PTPRS: variants seen among roughly 807,000 people sequenced by gnomAD.
PTPRS encodes the protein protein tyrosine phosphatase receptor type S, also known as receptor-type tyrosine-protein phosphatase S.
A neutral mutation model predicts 215.3 loss-of-function variants in PTPRS; 63 were observed. That is an observed-to-expected ratio of 0.29 (90% confidence interval 0.24 to 0.36). The LOEUF is 0.36. Among genes scored for constraint, PTPRS ranks in the 10% least tolerant of loss-of-function variants. The pLI is 1.00. For missense variants in PTPRS, 2,258 were observed against 2,825.8 expected, an observed-to-expected ratio of 0.80 and a Z score of 4.56; for synonymous variants, 1,404 against 1,191.4, an observed-to-expected ratio of 1.18 and a Z score of -3.68.
intron 1 of PTPRS, among the ~76,000 whole-genome samples, chr19:5,324,550 AGAG>A (rs1383475514): frequency 1.3e-5 from 2 of 152,098 alleles, no homozygotes; most frequent in African/African-American, 2.4e-5. Flanking sequence ...ATGGAGGAGG[AGAG>A]GAGAAGGAGG....
At chr19:5,313,970 T>TAATAAA (rs2049793144) in intron 1 of PTPRS, among the ~76,000 whole-genome samples, 1 of 121,516 alleles carries the variant, frequency 8.2e-6, no homozygotes, top group Non-Finnish European at 1.7e-5. Flanking sequence ...ATAATAATAA[T>TAATAAA]AAATAAAAGT....
rs543569857 is a variant in PTPRS, at chr19:5,323,581, G to A, written c.-95+17083C>T. ...AGGCAGAGGGCACAGACTGTGCAAA[G>A]GCCCTGGGGCGGGACCATGCCTGGT... On this transcript the variant is annotated intron_variant, in intron 1 of 37. Transcript: ENST00000262963. Among the ~76,000 whole-genome samples the A allele has an allele frequency of 5.9e-5, 9 of 152,378 alleles. No homozygotes were observed. In the East Asian group the frequency reaches 1.5e-3, roughly 26 times the overall value.
chr19:5,274,423 T>A (rs1488713303), intron 2 of PTPRS, 79 bp from the exon 3 acceptor site: 6 of 1,453,972 alleles, frequency 4.1e-6, no homozygotes, highest in Non-Finnish European at 4.6e-6. Context: ...CACGAAAACC[T>A]GCATTCCATG....
rs375626765 is a variant in PTPRS at position 5,220,369 on chromosome 19, A to G, written c.3456-16T>C. On this transcript the variant is annotated splice_polypyrimidine_tract_variant and intron_variant, in intron 20 of 37. Transcript: ENST00000262963. ...GAAATAGCTCCTGTAGGGAGATGGG[A>G]AAGAGTCAGAGGGGCTGTCGATAGG... 6.2e-7 allele frequency: 1 copy of G among 1,604,950 alleles called. No homozygotes were observed. The highest frequency in any genetic ancestry group is 8.5e-7 in the Non-Finnish European group (1 of 1,173,058).
chr19:5,229,913 C>CG (rs1472348229), intron 14 of PTPRS, among the ~76,000 whole-genome samples: 2 of 151,968 alleles, frequency 1.3e-5, no homozygotes, highest in Non-Finnish European at 2.9e-5. Flanking sequence ...CTGCCCCCCC[C>CG]CGAGTCTAAA....
chr19:5,215,162 C>T (rs1018480660), intron 28 of PTPRS, 127 bp downstream of exon 28: 2 of 1,248,562 alleles, frequency 1.6e-6, no homozygotes, highest in Admixed American at 2.2e-5. Context: ...TGCCCAGTGG[C>T]CTCCAGTTGG....
chr19:5,245,754 G>A (rs751332736), intron 10 of PTPRS, 22 bp downstream of exon 10: 19 of 1,542,376 alleles, frequency 1.2e-5, no homozygotes, highest in Non-Finnish European at 1.6e-5. Flanking sequence ...CTCCACCTAC[G>A]AGCCCCATGG....
intron 9 of PTPRS, among the ~76,000 whole-genome samples, chr19:5,250,329 G>A (rs1189913517): frequency 6.6e-6 from 1 of 152,200 alleles, no homozygotes; most frequent in African/African-American, 2.4e-5. Context: ...CATCCTCCCA[G>A]CTGGCAAGGG....
chr19:5,216,811 A>T (rs781505181), intron 25 of PTPRS, 44 bp from the exon 26 acceptor site: 3 of 1,267,742 alleles, frequency 2.4e-6, no homozygotes, highest in Middle Eastern at 2.2e-4. Flanking sequence ...TGCAGGGGGT[A>T]GGGGGGGGTC....
intron 13 of PTPRS, among the ~76,000 whole-genome samples, chr19:5,233,218 G>T (rs914645034): frequency 1.3e-5 from 2 of 151,408 alleles, no homozygotes; most frequent in African/African-American, 4.9e-5. Context: ...CCGTGGCAAG[G>T]GGAACAGCAA....
In PTPRS at chr19:5,338,941, G is replaced by A. The variant is rs1012424643; in HGVS notation, c.-95+1723C>T. On this transcript the variant is annotated intron_variant, in intron 1 of 37. Coordinates refer to ENST00000262963, the MANE Select transcript of PTPRS (RefSeq NM_002850.4). This position sits in a 1 kb window ranked among gnomAD's most constrained non-coding sequence, Gnocchi z 4.2. Reference sequence around the variant, plus strand: ...CAGCGATAGGGGGCCACCCAGAGGAGGCCAGAATCCCAGCAGCCAAAGTCC... The same window carrying A: ...CAGCGATAGGGGGCCACCCAGAGGAAGCCAGAATCCCAGCAGCCAAAGTCC... Among the ~76,000 whole-genome samples, 1 of 152,232 alleles carries A rather than the reference G, an allele frequency of 6.6e-6. No individual in the cohort carries two copies. The highest frequency in any genetic ancestry group is 1.5e-5 in the Non-Finnish European group (1 of 68,034).
intron 30 of PTPRS, among the ~76,000 whole-genome samples, chr19:5,214,053 A>AGGCC (rs1280177662): frequency 6.6e-6 from 1 of 152,144 alleles, no homozygotes; most frequent in Non-Finnish European, 1.5e-5. Context: ...AAGCTGGGTG[A>AGGCC]GGCCAGAGGA....
chr19:5,239,753 CAGAA>C (rs1181869393), intron 12 of PTPRS, among the ~76,000 whole-genome samples: 8 of 150,946 alleles, frequency 5.3e-5, no homozygotes, highest in Non-Finnish European at 1.2e-4. Context: ...GACAGAGAGA[CAGAA>C]AGAGAGGCAG....
intron 2 of PTPRS, among the ~76,000 whole-genome samples, chr19:5,278,761 C>T (rs2047607431): frequency 6.6e-6 from 1 of 152,138 alleles, no homozygotes; most frequent in East Asian, 1.9e-4. Context: ...AGGCGTGAGC[C>T]ACCCTGCCCA....
chr19:5,222,642 G>GC, intron 18 of PTPRS, 47 bp downstream of exon 18: 2 of 1,369,316 alleles, frequency 1.5e-6, no homozygotes, highest in Non-Finnish European at 1.9e-6. Context: ...GTGGGGGTGG[G>GC]CGCAAGGCCC....
chr19:5,231,752 G>A (rs2043036098), intron 13 of PTPRS, 137 bp from the exon 14 acceptor site: 3 of 318,162 alleles, frequency 9.4e-6, no homozygotes, highest in Admixed American at 4.4e-5. Context: ...AAACCAAAGA[G>A]AAGTCGAACC....
At chr19:5,304,952 G>A (rs2049429772) in intron 1 of PTPRS, among the ~76,000 whole-genome samples, 1 of 137,616 alleles carries the variant, frequency 7.3e-6, no homozygotes, top group African/African-American at 2.7e-5. Context: ...GGGGGCTGGT[G>A]AGGGGGGGTG....
chr19:5,265,460 G>C (rs1175998417), intron 4 of PTPRS, among the ~76,000 whole-genome samples: 1 of 152,166 alleles, frequency 6.6e-6, no homozygotes, highest in African/African-American at 2.4e-5. Flanking sequence ...TCCTGCCTCA[G>C]CCTCCTGAGT....
At chr19:5,292,380 C>T (rs940262726) in intron 1 of PTPRS, among the ~76,000 whole-genome samples, 6 of 152,250 alleles carry the variant, frequency 3.9e-5, no homozygotes, top group South Asian at 2.1e-4. Flanking sequence ...GGGGGTGAGG[C>T]TCTGGAAGGA....
Sources: allele counts gnomAD v4.1 joint callset (sites outside exome capture counted in the v4.1 genomes callset), GRCh38; gene constraint gnomAD v4.1.1; non-coding constraint Gnocchi (gnomAD v3.1); transcripts MANE v1.5; gene names NCBI Gene and HGNC (gene_info 2026-07-23, HGNC 2026-07-21).